CASZ1: variants seen among roughly 807,000 people sequenced by gnomAD.
The protein encoded by CASZ1 is zinc finger protein castor homolog 1.
In CASZ1, 28 loss-of-function variants were observed where a neutral mutation model predicts 135.2. The ratio of observed to expected loss-of-function variants is 0.21; its 90% CI spans 0.15 to 0.28. The LOEUF (loss-of-function observed/expected upper bound fraction) is 0.28, where lower values mean the gene tolerates loss of function less well. Ranked by LOEUF, CASZ1 falls within the 10% of genes least tolerant of loss-of-function variation. The pLI, the probability that CASZ1 is intolerant of heterozygous loss-of-function variation, is 1.00. For synonymous variants in CASZ1, 1,068 were observed against 1,073.4 expected (o/e 0.99, Z 0.10); for missense variants, 2,161 against 2,453.3 (o/e 0.88, Z 2.52).
chr1:10,781,985 G>C (rs1026999970), intron 1 of CASZ1, among the ~76,000 whole-genome samples: 2 of 152,232 alleles, frequency 1.3e-5, no homozygotes, highest in Non-Finnish European at 2.9e-5. Flanking sequence ...GCCTTTTCCA[G>C]AAAGAGTCCC....
rs530013910 is a variant in CASZ1 at position 10,649,646 on chromosome 1, G to A, written c.2881-209C>T. The A allele has an allele frequency of 5.1e-5, 30 of 585,520 alleles. No individual in the cohort carries two copies. In the African/African-American group the frequency reaches 5.6e-4, roughly 11 times the overall value. 36.3% of individuals were successfully genotyped at this position (585,520 alleles called of 1,614,324 possible). ...GTGCTGCCCCGACCCCAGGAGCTGC[G>A]AGGCCTCCTCAGGGCTCCTCCACAT... On this transcript the variant is annotated intron_variant, in intron 13 of 20. Transcript: ENST00000377022.
chr1:10,655,658 G>A lies in CASZ1; in HGVS notation c.1656C>T (p.His552=), dbSNP rs1642761618. 2 of 1,613,068 alleles carry A rather than the reference G, an allele frequency of 1.2e-6. No homozygotes were observed. Among genetic ancestry groups the A allele is most frequent in the Admixed American group, 1.7e-5 (1 of 59,954 alleles). The change falls in exon 9 of 21, where the codon CAC becomes CAT. Residue 552 remains histidine, a synonymous_variant. Coordinates refer to ENST00000377022, the MANE Select transcript of CASZ1 (RefSeq NM_001079843.3). The part of the protein sequence containing the change: ...CHLNGKSTHY[H]CMQVGCNKVY... Reference sequence around the variant, plus strand: ...CGGGTGCGGGAGGCACCTGCATGCAGTGATAGTGGGTGCTCTTCCCATTGA... The same window carrying A: ...CGGGTGCGGGAGGCACCTGCATGCAATGATAGTGGGTGCTCTTCCCATTGA...
intron 2 of CASZ1, among the ~76,000 whole-genome samples, chr1:10,742,115 T>C (rs1010202837): frequency 2.0e-5 from 3 of 152,100 alleles, no homozygotes; most frequent in Admixed American, 2.0e-4. Context: ...GAACGTGATG[T>C]CCCAAACAGA....
intron 4 of CASZ1, among the ~76,000 whole-genome samples, chr1:10,668,447 C>T (rs1445897480): frequency 6.6e-6 from 1 of 152,252 alleles, no homozygotes; most frequent in Non-Finnish European, 1.5e-5. Flanking sequence ...CCTCTGGGAA[C>T]AATACTGCCC....
At chr1:10,678,366 T>C (rs1428852021) in intron 4 of CASZ1, among the ~76,000 whole-genome samples, 1 of 150,338 alleles carries the variant, frequency 6.7e-6, no homozygotes, top group African/African-American at 2.4e-5. Context: ...CCTAATCCTA[T>C]ATTCCCTAAA....
At position 10,752,549 on chromosome 1, in the gene CASZ1, TG is replaced by T. The variant is rs576904804; in HGVS notation, c.-77+8151del. Among the ~76,000 whole-genome samples, 246 of 152,274 alleles carry T rather than the reference TG, an allele frequency of 1.6e-3. 1 individual carries two copies. The highest frequency in any genetic ancestry group is 5.7e-3 in the African/African-American group (238 of 41,550). ...CCTCCATCCTCCTCTCCCTGTACTG[TG>T]GGAGTGGAGGTCATCGTGACCCCAG... On this transcript the variant is annotated intron_variant, in intron 2 of 20. Coordinates refer to ENST00000377022, the MANE Select transcript of CASZ1 (RefSeq NM_001079843.3).
intron 2 of CASZ1, among the ~76,000 whole-genome samples, chr1:10,744,771 T>C (rs1640007073): frequency 6.6e-6 from 1 of 152,130 alleles, no homozygotes; most frequent in South Asian, 2.1e-4. Context: ...GCAAGGACTG[T>C]ATGTCTGGGT....
intron 6 of CASZ1, 29 bp from the exon 7 acceptor site, chr1:10,658,605 G>A (rs1438915428): frequency 1.2e-6 from 2 of 1,602,460 alleles, no homozygotes; most frequent in African/African-American, 2.7e-5. Context: ...GGCACAGCCG[G>A]TGAGCAGATG....
intron 1 of CASZ1, among the ~76,000 whole-genome samples, chr1:10,779,998 G>A (rs1215164887): frequency 1.3e-5 from 2 of 152,054 alleles, no homozygotes; most frequent in Non-Finnish European, 2.9e-5. Context: ...CCAACACCCC[G>A]CCCACCCTGA....
chr1:10,776,910 C>T lies in CASZ1; in HGVS notation c.-233-16053G>A, dbSNP rs1169498542. ...AAGCAGTCCCTAAAACCAGTCACCC[C>T]CAAACACAGCCCCACCATCTGATCC... On this transcript the variant is annotated intron_variant, in intron 1 of 20. Transcript: ENST00000377022. The surrounding 1 kb of genome is among the most constrained non-coding windows in gnomAD (Gnocchi z 4.1). Among the ~76,000 whole-genome samples, 2 of 152,170 alleles carry T rather than the reference C, an allele frequency of 1.3e-5. No homozygotes were observed. The highest frequency in any genetic ancestry group is 2.9e-5 in the Non-Finnish European group (2 of 68,012).
rs1031613090 is a variant in CASZ1, at chr1:10,794,079, C to T, written c.-234+2485G>A. ...CCCGGGGAACAACTACCCCCCTCCC[C>T]ATGCCCGGCGCAGCTGCTCCTGCTC... On this transcript the variant is annotated intron_variant, in intron 1 of 20. Coordinates refer to ENST00000377022, the MANE Select transcript of CASZ1 (RefSeq NM_001079843.3). This position sits in a 1 kb window ranked among gnomAD's most constrained non-coding sequence, Gnocchi z 5.6. Among the ~76,000 whole-genome samples, 2 of 152,184 alleles carry T rather than the reference C, an allele frequency of 1.3e-5. No homozygotes were observed. The highest frequency in any genetic ancestry group is 2.9e-5 in the Non-Finnish European group (2 of 68,012).
At position 10,757,385 on chromosome 1, in the gene CASZ1, G is replaced by A. The variant is rs1262951803; in HGVS notation, c.-77+3316C>T. Among the ~76,000 whole-genome samples, 6 of 151,972 alleles carry A rather than the reference G, an allele frequency of 3.9e-5. No homozygotes were observed. The highest frequency in any genetic ancestry group is 2.1e-4 in the South Asian group (1 of 4,814). ...ACATACAGGCTCTGACCCCTTCCCCGCCTGTCCACCTCCTCCTCACCCAGC... is the reference window on the plus strand; with the variant it reads ...ACATACAGGCTCTGACCCCTTCCCCACCTGTCCACCTCCTCCTCACCCAGC... On this transcript the variant is annotated intron_variant, in intron 2 of 20. Transcript: ENST00000377022. The surrounding 1 kb of genome is among the most constrained non-coding windows in gnomAD (Gnocchi z 4.6).
At chr1:10,704,761 A>G (rs1208644695) in intron 3 of CASZ1, among the ~76,000 whole-genome samples, 1 of 152,180 alleles carries the variant, frequency 6.6e-6, no homozygotes, top group Non-Finnish European at 1.5e-5. Context: ...CGCTATTTAC[A>G]TAACACTGGC....
rs72860122 is a variant in CASZ1 at position 10,692,973 on chromosome 1, G to A, written c.16+901C>T. Among the ~76,000 whole-genome samples the A allele has an allele frequency of 2.5e-3, 377 of 152,284 alleles. 3 individuals carry two copies. Among genetic ancestry groups the A allele is most frequent in the African/African-American group, 8.6e-3 (358 of 41,546 alleles). On this transcript the variant is annotated intron_variant, in intron 4 of 20. Coordinates refer to ENST00000377022, the MANE Select transcript of CASZ1 (RefSeq NM_001079843.3). ...GTCAACCTAGCACGTGAGGGTCCTGGTCAAAATTTGGTTTCAATAGCCAGG... is the reference window on the plus strand; with the variant it reads ...GTCAACCTAGCACGTGAGGGTCCTGATCAAAATTTGGTTTCAATAGCCAGG...
rs1639602387 is a variant in CASZ1 at position 10,726,590 on chromosome 1, A to C, written c.-76-21046T>G. ...AGGAAACACCGGGCACGGGGAATGG[A>C]GCCCTCGCCAGCGTCTTTACTAGGC... On this transcript the variant is annotated intron_variant, in intron 2 of 20. Coordinates refer to ENST00000377022, the MANE Select transcript of CASZ1 (RefSeq NM_001079843.3). The surrounding 1 kb of genome is among the most constrained non-coding windows in gnomAD (Gnocchi z 5.7). 1.3e-5 allele frequency among the ~76,000 whole-genome samples: 2 copies of C among 152,192 alleles called. No individual in the cohort carries two copies. The highest frequency in any genetic ancestry group is 1.3e-4 in the Admixed American group (2 of 15,284).
At chr1:10,665,032 C>A (rs1339181245) in intron 5 of CASZ1, 51 bp downstream of exon 5, 7 of 1,481,420 alleles carry the variant, frequency 4.7e-6, no homozygotes, top group Non-Finnish European at 6.3e-6. Flanking sequence ...CCCTTCCCCA[C>A]TGGCCTCCCT....
chr1:10,743,049 C>T (rs1024062295), intron 2 of CASZ1, among the ~76,000 whole-genome samples: 1 of 152,008 alleles, frequency 6.6e-6, no homozygotes, highest in African/African-American at 2.4e-5. Context: ...GGTGGAGCAG[C>T]CCCCTGAAAG....
Position 10,654,200 on chromosome 1 carries a change from G to A in CASZ1, c.1857C>T (p.Phe619=), listed in dbSNP as rs1290717506. 1 of 1,614,054 alleles carries A rather than the reference G, an allele frequency of 6.2e-7. No homozygotes were observed. Among genetic ancestry groups the A allele is most frequent in the Non-Finnish European group, 8.5e-7 (1 of 1,180,004 alleles). The change falls in exon 11 of 21, where the codon TTC becomes TTT. Residue 619 remains phenylalanine, a synonymous_variant. Transcript: ENST00000377022. The part of the protein sequence containing the change: ...HFHCRRPGCT[F]TFKNKCDIEK... The stretch of plus-strand genomic sequence containing the variant: ...CGATGTCACACTTGTTCTTGAAAGT[G>A]AATGTGCAGCCGGGGCGCCTGGATG...
Position 10,656,633 on chromosome 1 carries a change from G to A in CASZ1, c.1500+13C>T, listed in dbSNP as rs1201763916. The A allele has an allele frequency of 1.9e-6, 3 of 1,580,498 alleles. No homozygotes were observed. Among genetic ancestry groups the A allele is most frequent in the East Asian group, 2.3e-5 (1 of 44,016 alleles). On this transcript the variant is annotated intron_variant, in intron 8 of 20. Transcript: ENST00000377022. ...GTGGCGGAGAGGCGGAGCCCATCTG[G>A]CTGTGGCCGTACCTGGTAGTTACAC... is the stretch of plus-strand genomic sequence containing the variant.
Sources: gnomAD v4.1 joint callset for allele counts (sites outside exome capture counted in the v4.1 genomes callset) on GRCh38, gnomAD v4.1.1 for gene constraint, Gnocchi (gnomAD v3.1) non-coding constraint, MANE v1.5 for transcripts, NCBI Gene and HGNC (gene_info 2026-07-23, HGNC 2026-07-21) for gene names.